ATRX: variants seen among roughly 807,000 people sequenced by gnomAD.
ATRX encodes chromatin remodeler ATRX.
ATRX carries 12 observed loss-of-function variants against 172.6 expected under a neutral mutation model. That is an observed-to-expected ratio of 0.07 (90% CI 0.04 to 0.11). The LOEUF is 0.11. ATRX is among the 10% of genes least tolerant of loss of function. The probability of loss-of-function intolerance (pLI) is 1.00; values close to 1 mark genes in which losing one functional copy is unlikely to be tolerated. For missense variants in ATRX, 1,368 were observed against 1,767.4 expected, an observed-to-expected ratio of 0.77 and a Z score of 4.05; for synonymous variants, 674 against 594.7, an observed-to-expected ratio of 1.13 and a Z score of -1.94.
chrX:77,758,382 C>T (rs1332127987), intron 1 of ATRX, among the ~76,000 whole-genome samples: 1 of 105,272 alleles, frequency 9.5e-6, no homozygotes, highest in Non-Finnish European at 1.9e-5. Flanking sequence ...AAGAGCGAAA[C>T]TCCATCTCAA....
intron 27 of ATRX, among the ~76,000 whole-genome samples, chrX:77,583,891 A>T (rs2065917113): frequency 8.9e-6 from 1 of 112,069 alleles, no homozygotes; most frequent in East Asian, 2.8e-4. Flanking sequence ...AACTTGGAAA[A>T]ATCTGAAAAC....
intron 15 of ATRX, among the ~76,000 whole-genome samples, chrX:77,640,499 G>A (rs782075296): frequency 9.0e-6 from 1 of 111,229 alleles, no homozygotes; most frequent in East Asian, 2.8e-4. Context: ...ATATTAAAAG[G>A]TTGAGCCAAA....
chrX:77,770,883 A>G (rs781868251), intron 1 of ATRX, among the ~76,000 whole-genome samples: 25 of 112,158 alleles, frequency 2.2e-4, no homozygotes, highest in Non-Finnish European at 4.5e-4. Flanking sequence ...AGTTTTATAT[A>G]AATCTCCATC....
In ATRX at chrX:77,682,170, G is replaced by A. The variant is rs781989664; in HGVS notation, c.3086C>T (p.Pro1029Leu). The A allele has an allele frequency of 4.0e-5, 48 of 1,208,560 alleles. No individual in the cohort carries two copies. The East Asian group carries it at 1.4e-3, about 35-fold the overall frequency. ...LPEREEICHF[P>L]KGIKQIKNGT... ...ATTCTTAATTTGTTTTATGCCCTTA[G>A]GAAAATGACAAATTTCTTCTCGCTC... Residue 1029 changes from proline to leucine, a missense_variant, in exon 9 of 35, where the codon CCT (proline) becomes CTT (leucine). Physicochemically the swap from Pro to Leu is moderately conservative, Grantham distance 98. Around this residue, in one of 17 missense-constraint regions of ATRX, gnomAD observed 843 missense variants for 643.1 expected, o/e 1.31. Transcript: ENST00000373344.
chrX:77,690,011 GTTAGGTT>G (rs1557146289), intron 6 of ATRX, among the ~76,000 whole-genome samples: 1 of 112,024 alleles, frequency 8.9e-6, no homozygotes, highest in Non-Finnish European at 1.9e-5. Flanking sequence ...TTGGGTTTCT[GTTAGGTT>G]TAAGGTCCAA....
At chrX:77,616,001 C>T (rs1265260165) in intron 22 of ATRX, 2 of 751,614 alleles carry the variant, frequency 2.7e-6, no homozygotes, top group African/African-American at 4.7e-5. Context: ...TCTTCAGGCA[C>T]AGAGAGACAC....
chrX:77,727,812 A>T (rs967309240), intron 1 of ATRX: 1 of 111,866 alleles, frequency 8.9e-6, no homozygotes. Flanking sequence ...CACATATCCC[A>T]GAACTTAAAG....
rs6655873 is a variant in ATRX at position 77,513,726 on chromosome X, C to T, written c.7201-5097G>A. Among the ~76,000 whole-genome samples, 897 of 111,461 alleles carry T rather than the reference C, an allele frequency of 8.0e-3. 14 individuals are homozygous for T. The highest frequency in any genetic ancestry group is 0.028 in the African/African-American group (860 of 30,665). On this transcript the variant is annotated intron_variant, in intron 34 of 34. Coordinates refer to ENST00000373344, the MANE Select transcript of ATRX (RefSeq NM_000489.6). ...ACAAGGATGCCCTCTATCACCACTC[C>T]TATTCAACATAGTATTAGAAGTCCT...
At position 77,719,129 on chromosome X, in the gene ATRX, T is replaced by C. The variant is rs782603749; in HGVS notation, c.21-1886A>G. ...TTTAATAAAAGTCAAAACTTTTGCA[T>C]GTCAAAGGGCACCATCAAGAAAGTG... On this transcript the variant is annotated intron_variant, in intron 1 of 34. Transcript: ENST00000373344. Among the ~76,000 whole-genome samples the C allele has an allele frequency of 7.1e-4, 79 of 110,991 alleles. 1 individual carries two copies. The highest frequency in any genetic ancestry group is 2.4e-3 in the African/African-American group (74 of 30,629).
chrX:77,634,737 AG>A, intron 16 of ATRX, 34 bp from the exon 17 acceptor site: 1 of 1,135,983 alleles, frequency 8.8e-7, no homozygotes, highest in Non-Finnish European at 1.2e-6. Context: ...TTAAATTTAA[AG>A]GTCCAAGTTA....
intron 12 of ATRX, among the ~76,000 whole-genome samples, chrX:77,662,653 A>G (rs1378000106): frequency 1.8e-5 from 2 of 111,863 alleles, no homozygotes; most frequent in Non-Finnish European, 3.8e-5. Context: ...TTTGCTTAAT[A>G]TAAGTGGTCA....
intron 2 of ATRX, among the ~76,000 whole-genome samples, chrX:77,713,000 T>G (rs2073188241): frequency 9.2e-6 from 1 of 108,684 alleles, no homozygotes; most frequent in Non-Finnish European, 1.9e-5. Context: ...AATACAAAAA[T>G]TAGCTGGGTA....
chrX:77,613,170 T>C (rs1557095049), intron 22 of ATRX, among the ~76,000 whole-genome samples: 1 of 111,301 alleles, frequency 9.0e-6, no homozygotes, highest in African/African-American at 3.3e-5. Context: ...GTTACTACAA[T>C]GTTTTTCCAT....
rs1370736387 is a variant in ATRX at position 77,766,442 on chromosome X, G to A, written c.20+19540C>T. 3.7e-5 allele frequency among the ~76,000 whole-genome samples: 4 copies of A among 108,600 alleles called. No individual in the cohort carries two copies. In the Admixed American group the frequency reaches 3.9e-4, roughly 10 times the overall value. 94.3% of individuals were successfully genotyped at this position (108,600 alleles called of 115,157 possible). On this transcript the variant is annotated intron_variant, in intron 1 of 34. Coordinates refer to ENST00000373344, the MANE Select transcript of ATRX (RefSeq NM_000489.6). ...TCTCAGACGGGGCGGCTGCCAGGCG[G>A]AGGGGCTCCTCAATTCTCAGACGAG...
At chrX:77,673,071 C>A in intron 10 of ATRX, among the ~76,000 whole-genome samples, 1 of 111,367 alleles carries the variant, frequency 9.0e-6, no homozygotes, top group Non-Finnish European at 1.9e-5. Context: ...AACTTGAACA[C>A]ACTACTATCG....
At chrX:77,635,187 A>G (rs970478313) in intron 16 of ATRX, among the ~76,000 whole-genome samples, 1 of 111,290 alleles carries the variant, frequency 9.0e-6, no homozygotes, top group Non-Finnish European at 1.9e-5. Context: ...CAGGAGGCTG[A>G]GTTGGGAGAA....
In ATRX at chrX:77,681,718, T is replaced by G; in HGVS notation, c.3538A>C (p.Ile1180Leu). ...QRTSSKKKAV[I>L]VKEKKRNSLR... Reference sequence around the variant, plus strand: ...GAGTTTCTCTTTTTCTCCTTGACAATGACTGCCTTCTTTTTAGATGAAGTT... The same window carrying G: ...GAGTTTCTCTTTTTCTCCTTGACAAGGACTGCCTTCTTTTTAGATGAAGTT... Residue 1180 changes from isoleucine (I) to leucine (L), a missense_variant, in exon 9 of 35, where the codon ATT becomes CTT. Around this residue, in one of 17 missense-constraint regions of ATRX, gnomAD observed 843 missense variants for 643.1 expected, o/e 1.31. Transcript: ENST00000373344. 1 of 1,207,693 alleles carries G rather than the reference T, an allele frequency of 8.3e-7. No individual in the cohort carries two copies. Among genetic ancestry groups the G allele is most frequent in the Non-Finnish European group, 1.1e-6 (1 of 894,444 alleles).
chrX:77,652,331 T>A lies in ATRX; in HGVS notation c.4340A>T (p.Glu1447Val), dbSNP rs2148440231. ...ENKSNSEEEE[E>V]EKEEEEEEEE... ...CTCTTCCTCCTCCTCTTCTTTTTCC[T>A]CCTCTTCTTCCTCAGAATTACTCTA... The change falls in exon 15 of 35, where the codon GAG (glutamate) becomes GTG (valine). Residue 1447 changes from glutamate (E) to valine (V), a missense_variant. By Grantham distance (121) the Glu-to-Val change is moderately radical (BLOSUM62 -2). Around this residue, in one of 17 missense-constraint regions of ATRX, gnomAD observed 119 missense variants for 131.3 expected, o/e 0.91. Coordinates refer to ENST00000373344, the MANE Select transcript of ATRX (RefSeq NM_000489.6). 1 of 1,204,662 alleles carries A rather than the reference T, an allele frequency of 8.3e-7. No individual in the cohort carries two copies. The highest frequency in any genetic ancestry group is 1.1e-6 in the Non-Finnish European group (1 of 892,047).
chrX:77,746,809 C>CT (rs1311683213), intron 1 of ATRX, among the ~76,000 whole-genome samples: 82 of 110,857 alleles, frequency 7.4e-4, no homozygotes, highest in African/African-American at 2.7e-3. Context: ...TTGAAAAACC[C>CT]TTTTTTTGAG....
Sources: allele counts gnomAD v4.1 joint callset (sites outside exome capture counted in the v4.1 genomes callset), GRCh38; gene constraint gnomAD v4.1.1; regional missense constraint gnomAD v4.1.1; transcripts MANE v1.5; gene names NCBI Gene and HGNC (gene_info 2026-07-23, HGNC 2026-07-21).